The following MAGI2 variants were observed in gnomAD, a reference collection of about 807,000 sequenced individuals.
MAGI2 encodes the protein membrane associated guanylate kinase, WW and PDZ domain containing 2.
MAGI2 carries 35 observed loss-of-function variants against 133.3 expected under a neutral mutation model. The ratio of observed to expected loss-of-function variants is 0.26; its 90% CI spans 0.20 to 0.35. MAGI2 has a LOEUF of 0.35. Among genes scored for constraint, MAGI2 ranks in the 10% least tolerant of loss-of-function variants. The probability of loss-of-function intolerance (pLI) is 1.00; values close to 1 mark genes in which losing one functional copy is unlikely to be tolerated. For missense variants in MAGI2, 1,636 were observed against 1,863.4 expected, an observed-to-expected ratio of 0.88 and a Z score of 2.25; for synonymous variants, 729 against 710.6, an observed-to-expected ratio of 1.03 and a Z score of -0.41.
intron 9 of MAGI2, among the ~76,000 whole-genome samples, chr7:78,272,140 G>A (rs889705223): frequency 3.9e-5 from 6 of 152,100 alleles, no homozygotes; most frequent in South Asian, 2.1e-4. Context: ...CTGGTGCATC[G>A]TGTCCTTTGT....
At chr7:79,236,853 C>A (rs939829312) in intron 1 of MAGI2, among the ~76,000 whole-genome samples, 4 of 152,102 alleles carry the variant, frequency 2.6e-5, no homozygotes, top group African/African-American at 9.7e-5. Context: ...CAAGCCTGGG[C>A]AAGTAAACAA....
intron 1 of MAGI2, among the ~76,000 whole-genome samples, chr7:79,261,794 C>T (rs763853898): frequency 6.6e-6 from 1 of 152,190 alleles, no homozygotes; most frequent in Non-Finnish European, 1.5e-5. Flanking sequence ...CTTACCATCA[C>T]TTAAGAACCC....
At chr7:78,287,446 G>A (rs1427894012) in intron 9 of MAGI2, among the ~76,000 whole-genome samples, 2 of 152,188 alleles carry the variant, frequency 1.3e-5, no homozygotes, top group Non-Finnish European at 2.9e-5. Context: ...TCCATTGGAG[G>A]AGGAGCATAT....
chr7:78,362,919 G>C (rs1036154032), intron 7 of MAGI2, among the ~76,000 whole-genome samples: 1 of 152,100 alleles, frequency 6.6e-6, no homozygotes, highest in African/African-American at 2.4e-5. Flanking sequence ...TATTCCCTTA[G>C]AAAACTCAGT....
In MAGI2 at chr7:78,650,714, G is replaced by T. The variant is rs571711931; in HGVS notation, c.419-23475C>A. 2.6e-3 allele frequency among the ~76,000 whole-genome samples: 393 copies of T among 152,190 alleles called. 2 individuals are homozygous for T. The highest frequency in any genetic ancestry group is 2.9e-3 in the Non-Finnish European group (195 of 67,992). On this transcript the variant is annotated intron_variant, in intron 2 of 21. Transcript: ENST00000354212. ...ATAATGATATTCAGCAGTAGTCTTT[G>T]TCCTCCCTTCACTAAGTATTTCTGC...
intron 1 of MAGI2, among the ~76,000 whole-genome samples, chr7:79,131,505 G>A (rs768344989): frequency 8.5e-5 from 13 of 152,124 alleles, no homozygotes; most frequent in African/African-American, 2.4e-4. Flanking sequence ...TTGTGGGATC[G>A]TCCTTACAAT....
chr7:78,064,114 C>G (rs1373999520), intron 21 of MAGI2, among the ~76,000 whole-genome samples: 2 of 152,170 alleles, frequency 1.3e-5, no homozygotes, highest in African/African-American at 2.4e-5. Context: ...AAATCTATCC[C>G]TCCTTAACCT....
intron 16 of MAGI2, among the ~76,000 whole-genome samples, chr7:78,150,852 C>G (rs966004463): frequency 3.9e-5 from 6 of 152,046 alleles, no homozygotes; most frequent in Non-Finnish European, 8.8e-5. Flanking sequence ...TGTGAACACA[C>G]AGATTTTTTT....
At chr7:78,039,462 C>T (rs1372046080) in intron 21 of MAGI2, 1 of 152,202 alleles carries the variant, frequency 6.6e-6, no homozygotes, top group Non-Finnish European at 1.5e-5. Flanking sequence ...TGTCTTTAAT[C>T]AATTTACTTT....
chr7:78,997,534 G>GGAGATTGC (rs1337882359), intron 2 of MAGI2, among the ~76,000 whole-genome samples: 1 of 151,720 alleles, frequency 6.6e-6, no homozygotes, highest in Non-Finnish European at 1.5e-5. Flanking sequence ...CCCAGGAGGT[G>GGAGATTGC]GAGATTGCGG....
chr7:78,969,640 T>C (rs1009147191), intron 2 of MAGI2, among the ~76,000 whole-genome samples: 3 of 152,070 alleles, frequency 2.0e-5, no homozygotes, highest in Admixed American at 2.0e-4. Flanking sequence ...TTGATAGCCT[T>C]AATTCACTTA....
At chr7:78,459,326 A>G (rs1789707917) in intron 6 of MAGI2, among the ~76,000 whole-genome samples, 1 of 152,234 alleles carries the variant, frequency 6.6e-6, no homozygotes, top group African/African-American at 2.4e-5. Context: ...TACACTTTGC[A>G]TAAACTTTGG....
intron 2 of MAGI2, among the ~76,000 whole-genome samples, chr7:78,748,204 C>T (rs115189116): frequency 0.016 from 2,424 of 151,848 alleles, 73 homozygotes; most frequent in African/African-American, 0.055. Context: ...AATCTTCCCT[C>T]GTTGAGGACT....
intron 1 of MAGI2, among the ~76,000 whole-genome samples, chr7:79,052,970 C>T (rs769027126): frequency 6.6e-6 from 1 of 152,078 alleles, no homozygotes; most frequent in Admixed American, 6.6e-5. Flanking sequence ...CTCAAATCCT[C>T]TTTCCATAAG....
intron 1 of MAGI2, among the ~76,000 whole-genome samples, chr7:79,351,568 T>C (rs1389016865): frequency 6.6e-6 from 1 of 152,214 alleles, no homozygotes; most frequent in African/African-American, 2.4e-5. Flanking sequence ...TGAATTATTA[T>C]AGTATGTCAG....
intron 9 of MAGI2, among the ~76,000 whole-genome samples, chr7:78,292,373 C>A (rs1396554975): frequency 6.6e-6 from 1 of 152,152 alleles, no homozygotes; most frequent in Non-Finnish European, 1.5e-5. Flanking sequence ...ATCCAACTTA[C>A]AAGGGATGTG....
intron 6 of MAGI2, among the ~76,000 whole-genome samples, chr7:78,372,750 C>T (rs10229989): frequency 0.82 from 124,693 of 151,824 alleles, 51,319 homozygotes; most frequent in Admixed American, 0.85. Flanking sequence ...AGATTAAACA[C>T]GCACCTAGCT....
intron 1 of MAGI2, among the ~76,000 whole-genome samples, chr7:79,297,852 A>C (rs920963767): frequency 1.3e-5 from 2 of 152,226 alleles, no homozygotes; most frequent in African/African-American, 4.8e-5. Flanking sequence ...ATCTCAGCAC[A>C]GCTTTGACTT....
intron 2 of MAGI2, among the ~76,000 whole-genome samples, chr7:78,813,032 A>G (rs1197510317): frequency 6.6e-6 from 1 of 152,224 alleles, no homozygotes; most frequent in Non-Finnish European, 1.5e-5. Context: ...ATGCAGCTAT[A>G]CAACTTAGAC....
Sources: gnomAD v4.1 joint callset for allele counts (sites outside exome capture counted in the v4.1 genomes callset) on GRCh38, gnomAD v4.1.1 for gene constraint, MANE v1.5 for transcripts, NCBI Gene and HGNC (gene_info 2026-07-23, HGNC 2026-07-21) for gene names.